PPP2R2D: variants seen among roughly 807,000 people sequenced by gnomAD.
The protein encoded by PPP2R2D is protein phosphatase 2 regulatory subunit Bdelta, also known as serine/threonine-protein phosphatase 2A 55 kDa regulatory subunit B delta isoform.
Under a neutral mutation model 31.1 loss-of-function variants are expected in PPP2R2D, and 9 were observed. The observed-to-expected ratio is 0.29, with a 90% confidence interval of 0.17 to 0.51. The LOEUF is 0.51. Among genes scored for constraint, PPP2R2D ranks in the 20% least tolerant of loss-of-function variants. The pLI is 0.98. For missense variants in PPP2R2D, 391 were observed against 465.6 expected (o/e 0.84, Z 1.48); for synonymous variants, 179 against 172.6 (o/e 1.04, Z -0.29).
At chr10:131,933,310 T>C (rs2036276319) in intron 2 of PPP2R2D, among the ~76,000 whole-genome samples, 1 of 152,184 alleles carries the variant, frequency 6.6e-6, no homozygotes. Flanking sequence ...TGGAGGGAGC[T>C]GTTTGAGTCA....
At chr10:131,939,864 C>T (rs893814215) in intron 3 of PPP2R2D, 167 bp from the exon 4 acceptor site, 6 of 396,782 alleles carry the variant, frequency 1.5e-5, no homozygotes, top group Middle Eastern at 6.6e-4. Context: ...AAATCAAGTT[C>T]GTTCTTTTTT....
chr10:131,925,089 G>A (rs2036077908), intron 2 of PPP2R2D, among the ~76,000 whole-genome samples: 1 of 152,242 alleles, frequency 6.6e-6, no homozygotes, highest in Non-Finnish European at 1.5e-5. Context: ...ACAATATAAT[G>A]CCATCTGTGA....
Position 131,957,067 on chromosome 10 carries a change from A to G in PPP2R2D, c.*1104A>G, listed in dbSNP as rs531500772. The G allele has an allele frequency of 7.2e-4, 109 of 152,430 alleles. No homozygotes were observed. Among genetic ancestry groups the G allele is most frequent in the Non-Finnish European group, 1.3e-3 (90 of 68,092 alleles). The allele number at this position is 152,430 out of a possible 1,614,324, so 9.4% of individuals were successfully genotyped here. On this transcript the variant is annotated 3_prime_UTR_variant, in exon 9 of 9. Coordinates refer to ENST00000455566, the MANE Select transcript of PPP2R2D (RefSeq NM_018461.5). ...CCAGAAATCAAGATTTTCCAAGACA[A>G]ATAATACAGAGCTGTACCAATGCTG...
At chr10:131,902,775 G>A (rs922605081) in intron 2 of PPP2R2D, among the ~76,000 whole-genome samples, 1 of 152,124 alleles carries the variant, frequency 6.6e-6, no homozygotes, top group African/African-American at 2.4e-5. Flanking sequence ...TGGAGACAGG[G>A]TCTCACTTTG....
At chr10:131,970,892 A>C in the PPP2R2D span, 1 of 1,614,242 alleles carries the variant, frequency 6.2e-7, no homozygotes, top group Non-Finnish European at 8.5e-7. This position sits in a 1 kb window ranked among gnomAD's most constrained non-coding sequence, Gnocchi z 4.1. Context: ...GGCCGACTTG[A>C]CCAATCCCAT....
chr10:131,970,836 GC>G, the PPP2R2D span: 1 of 1,614,074 alleles, frequency 6.2e-7, no homozygotes, highest in Non-Finnish European at 8.5e-7. This position sits in a 1 kb window ranked among gnomAD's most constrained non-coding sequence, Gnocchi z 4.1. Context: ...GTCAAGGGGT[GC>G]CCCCGTGACA....
chr10:131,940,807 C>A, intron 5 of PPP2R2D, 113 bp downstream of exon 5: 1 of 597,234 alleles, frequency 1.7e-6, no homozygotes, highest in South Asian at 2.1e-5. Flanking sequence ...GCTGTGAGGT[C>A]TGCCTCGTGA....
intron 2 of PPP2R2D, among the ~76,000 whole-genome samples, chr10:131,915,385 A>G (rs1457425586): frequency 3.9e-5 from 6 of 152,244 alleles, no homozygotes; most frequent in Non-Finnish European, 8.8e-5. Context: ...ACATTGGGAT[A>G]GGTTGCTTTT....
intron 3 of PPP2R2D, among the ~76,000 whole-genome samples, chr10:131,936,236 C>G (rs2036337296): frequency 6.6e-6 from 1 of 151,926 alleles, no homozygotes; most frequent in Admixed American, 6.5e-5. Context: ...CAACCTCTGT[C>G]TCCCGGGTTT....
rs2035493254 is a variant in PPP2R2D, at chr10:131,901,451, G to GCAGGGGC, written c.100+130_100+136dup. ...GGCAGGAGGATGGGGGCCGGGCGGG[G>GCAGGGGC]CAGGGGCCAGGGGCCGAGCTGGGGG... On this transcript the variant is annotated intron_variant, in intron 2 of 8. Coordinates refer to ENST00000455566, the MANE Select transcript of PPP2R2D (RefSeq NM_018461.5). 8 of 325,130 alleles carry GCAGGGGC rather than the reference G, an allele frequency of 2.5e-5. No individual in the cohort carries two copies. In the Admixed American group the frequency reaches 2.5e-4, roughly 10 times the overall value. 20.1% of individuals were successfully genotyped at this position (325,130 alleles called of 1,614,324 possible). A position where few individuals can be genotyped will look rare whatever the true frequency, so the allele number is the denominator to read the frequency against.
chr10:131,918,324 GAC>G lies in PPP2R2D; in HGVS notation c.101-16130_101-16129del, dbSNP rs1440216706. Among the ~76,000 whole-genome samples, 251 of 148,394 alleles carry G rather than the reference GAC, an allele frequency of 1.7e-3. 1 individual carries two copies. Among genetic ancestry groups the G allele is most frequent in the African/African-American group, 6.1e-3 (237 of 39,098 alleles). ...TGTAGGGATCTCACGTGGGTGGAAT[GAC>G]ACAGTGTTTGTAGGGACCTCAGGCG... On this transcript the variant is annotated intron_variant, in intron 2 of 8. Transcript: ENST00000455566.
chr10:131,917,666 C>T lies in PPP2R2D; in HGVS notation c.100+16336C>T, dbSNP rs1347873684. ...GTGGAATGACACAGTGTAGGGACCTCATGTGGGTGGAATGACAGTGTAGGG... is the reference window on the plus strand; with the variant it reads ...GTGGAATGACACAGTGTAGGGACCTTATGTGGGTGGAATGACAGTGTAGGG... On this transcript the variant is annotated intron_variant, in intron 2 of 8. Coordinates refer to ENST00000455566, the MANE Select transcript of PPP2R2D (RefSeq NM_018461.5). 5.1e-5 allele frequency among the ~76,000 whole-genome samples: 6 copies of T among 118,310 alleles called. 1 individual carries two copies. The highest frequency in any genetic ancestry group is 8.5e-5 in the Non-Finnish European group (5 of 58,824). The allele number at this position is 118,310 out of a possible 152,430, so 77.6% of individuals were successfully genotyped here. A position where few individuals can be genotyped will look rare whatever the true frequency, so the allele number is the denominator to read the frequency against.
intron 8 of PPP2R2D, among the ~76,000 whole-genome samples, chr10:131,953,905 G>A (rs530559888): frequency 5.9e-5 from 9 of 152,122 alleles, no homozygotes; most frequent in East Asian, 5.8e-4. Flanking sequence ...ATCTAAAAGC[G>A]TTCCCAGTAA....
the PPP2R2D span, among the ~76,000 whole-genome samples, chr10:131,965,895 G>GA: frequency 3.9e-5 from 6 of 152,134 alleles, no homozygotes; most frequent in African/African-American, 1.4e-4. Context: ...CTTCCCCTTG[G>GA]TGCATGAGTG....
downstream of PPP2R2D, among the ~76,000 whole-genome samples, chr10:131,960,078 A>C (rs569887356): frequency 5.3e-5 from 8 of 152,338 alleles, no homozygotes; most frequent in East Asian, 1.5e-3. Context: ...CCACCTGGCC[A>C]GCAGTCCTGT....
At chr10:131,916,165 C>T (rs923528417) in intron 2 of PPP2R2D, among the ~76,000 whole-genome samples, 1 of 152,174 alleles carries the variant, frequency 6.6e-6, no homozygotes, top group Non-Finnish European at 1.5e-5. Flanking sequence ...GCCCTGATAA[C>T]CTCCGTGTTC....
intron 2 of PPP2R2D, among the ~76,000 whole-genome samples, chr10:131,908,192 A>C (rs1055705695): frequency 2.0e-5 from 3 of 152,126 alleles, no homozygotes; most frequent in African/African-American, 7.2e-5. Flanking sequence ...ATGTCCATCT[A>C]CCCAGATCCC....
chr10:131,921,500 G>T (rs538086122), intron 2 of PPP2R2D, among the ~76,000 whole-genome samples: 1 of 152,280 alleles, frequency 6.6e-6, no homozygotes, highest in South Asian at 2.1e-4. Flanking sequence ...TGGGGGATGG[G>T]AGGAGCCTGC....
At chr10:131,916,070 T>C (rs2035773393) in intron 2 of PPP2R2D, among the ~76,000 whole-genome samples, 1 of 152,244 alleles carries the variant, frequency 6.6e-6, no homozygotes, top group African/African-American at 2.4e-5. Flanking sequence ...AAATATGTCG[T>C]AGGTAAAATA....
Sources: allele counts gnomAD v4.1 joint callset (sites outside exome capture counted in the v4.1 genomes callset), GRCh38; gene constraint gnomAD v4.1.1; non-coding constraint Gnocchi (gnomAD v3.1); transcripts MANE v1.5; gene names NCBI Gene and HGNC (gene_info 2026-07-23, HGNC 2026-07-21).